The following PHKA1 variants were observed in gnomAD, a reference collection of about 807,000 sequenced individuals.
The protein encoded by PHKA1 is phosphorylase b kinase regulatory subunit alpha, skeletal muscle isoform.
PHKA1 carries 60 observed loss-of-function variants against 110.2 expected under a neutral mutation model. That is an observed-to-expected ratio of 0.54 (90% confidence interval 0.44 to 0.68). PHKA1 has a LOEUF of 0.68. PHKA1 is among the 30% of genes least tolerant of loss of function. The pLI is 0.00. For missense variants in PHKA1, 801 were observed against 942.5 expected (o/e 0.85, Z 1.97); for synonymous variants, 316 against 333.6 (o/e 0.95, Z 0.58).
chrX:72,585,562 G>T (rs1603249874), intron 29 of PHKA1, among the ~76,000 whole-genome samples: 1 of 111,950 alleles, frequency 8.9e-6, no homozygotes, highest in Non-Finnish European at 1.9e-5. Flanking sequence ...CATCTCATTA[G>T]GACTGGTTGG....
chrX:72,615,892 C>T (rs368722871), intron 21 of PHKA1, among the ~76,000 whole-genome samples: 2 of 111,376 alleles, frequency 1.8e-5, no homozygotes, highest in Admixed American at 9.5e-5. Flanking sequence ...ATTAAATTAT[C>T]CCATTAAAAA....
rs962319376 is a variant in PHKA1 at position 72,629,344 on chromosome X, T to A, written c.1715-2295A>T. The stretch of plus-strand genomic sequence containing the variant: ...GTTCCTATTCAGCTTATACTTGTAT[T>A]CTTACTTTTCTAGAAAATCTGTCAA... On this transcript the variant is annotated intron_variant, in intron 16 of 31. Transcript: ENST00000373542. Among the ~76,000 whole-genome samples, 3 of 111,896 alleles carry A rather than the reference T, an allele frequency of 2.7e-5. No homozygotes were observed. In the East Asian group the frequency reaches 8.4e-4, roughly 31 times the overall value.
At chrX:72,607,248 T>C (rs2052741631) in intron 23 of PHKA1, among the ~76,000 whole-genome samples, 1 of 111,930 alleles carries the variant, frequency 8.9e-6, no homozygotes, top group South Asian at 3.7e-4. Context: ...AGCAGTGGGA[T>C]TGCTGGATCA....
chrX:72,706,745 G>A (rs1039667181), intron 2 of PHKA1, among the ~76,000 whole-genome samples: 9 of 111,187 alleles, frequency 8.1e-5, no homozygotes, highest in African/African-American at 2.6e-4. Context: ...CTATTTTACT[G>A]CCTTAGTCAT....
At chrX:72,620,699 C>T (rs1556276303) in intron 19 of PHKA1, 26 bp downstream of exon 19, 11 of 1,174,359 alleles carry the variant, frequency 9.4e-6, no homozygotes, top group East Asian at 3.0e-5. Flanking sequence ...CTGTGCCTGA[C>T]TCTGGTGAGT....
rs782242530 is a variant in PHKA1, at chrX:72,630,291, G to A, written c.1715-3242C>T. 2.2e-4 allele frequency among the ~76,000 whole-genome samples: 22 copies of A among 102,067 alleles called. 1 individual carries two copies. The South Asian group carries it at 8.6e-3, about 40-fold the overall frequency. The allele number at this position is 102,067 out of a possible 115,157, so 88.6% of individuals were successfully genotyped here. A position where few individuals can be genotyped will look rare whatever the true frequency, so the allele number is the denominator to read the frequency against. ...AAAAAGAAAAAGAAAAAGAGCGGGG[G>A]TGGGGGAGAGAGAGAGAGAGAGAGA... On this transcript the variant is annotated intron_variant, in intron 16 of 31. Coordinates refer to ENST00000373542, the MANE Select transcript of PHKA1 (RefSeq NM_002637.4).
intron 4 of PHKA1, among the ~76,000 whole-genome samples, chrX:72,684,798 A>G (rs1556318270): frequency 6.3e-5 from 7 of 111,549 alleles, no homozygotes; most frequent in Non-Finnish European, 3.8e-5. Context: ...TCAACATGGA[A>G]GAATTTTAAC....
intron 21 of PHKA1, among the ~76,000 whole-genome samples, chrX:72,616,200 T>C (rs1404847816): frequency 9.1e-6 from 1 of 110,074 alleles, no homozygotes; most frequent in African/African-American, 3.3e-5. Context: ...ACCCCAGCTC[T>C]GCAAAAAAAA....
chrX:72,624,635 A>T (rs2053027109), intron 17 of PHKA1, among the ~76,000 whole-genome samples: 1 of 111,552 alleles, frequency 9.0e-6, no homozygotes, highest in East Asian at 2.8e-4. Context: ...ATGCTCCCTG[A>T]CCTCAGTGTG....
intron 28 of PHKA1, among the ~76,000 whole-genome samples, chrX:72,597,779 CAGTG>C (rs2052609870): frequency 1.8e-5 from 2 of 111,784 alleles, no homozygotes; most frequent in Admixed American, 1.9e-4. Context: ...TAAACCGTAG[CAGTG>C]AGTATGACTA....
chrX:72,710,682 A>G (rs2054358884), intron 2 of PHKA1, among the ~76,000 whole-genome samples: 1 of 111,397 alleles, frequency 9.0e-6, no homozygotes, highest in Non-Finnish European at 1.9e-5. Context: ...ATGTTTTGAA[A>G]CATTCCTAAT....
intron 4 of PHKA1, among the ~76,000 whole-genome samples, chrX:72,690,770 T>G (rs371486876): frequency 1.3e-4 from 14 of 111,931 alleles, no homozygotes; most frequent in African/African-American, 4.5e-4. Flanking sequence ...TAATTTCTTT[T>G]TTTGTTTGTT....
chrX:72,684,793 A>G (rs959511750), intron 4 of PHKA1, among the ~76,000 whole-genome samples: 4 of 111,525 alleles, frequency 3.6e-5, no homozygotes, highest in African/African-American at 1.3e-4. Context: ...ATATTTCAAC[A>G]TGGAAGAATT....
intron 4 of PHKA1, among the ~76,000 whole-genome samples, chrX:72,687,932 T>A (rs1277456471): frequency 1.8e-5 from 2 of 108,517 alleles, no homozygotes; most frequent in Non-Finnish European, 3.8e-5. Flanking sequence ...GTTCATGTGA[T>A]TCTCCTGTCT....
At chrX:72,659,448 T>C (rs994221550) in intron 8 of PHKA1, among the ~76,000 whole-genome samples, 2 of 111,157 alleles carry the variant, frequency 1.8e-5, no homozygotes, top group African/African-American at 6.6e-5. Context: ...GGTGTACTCA[T>C]TGCCTCTGGG....
chrX:72,585,050 C>T (rs1245908453), intron 29 of PHKA1, among the ~76,000 whole-genome samples: 2 of 109,909 alleles, frequency 1.8e-5, no homozygotes, highest in African/African-American at 6.6e-5. Context: ...GTTTTATTTA[C>T]ACACTGTATC....
At chrX:72,644,551 TAAC>T (rs782650130) in intron 13 of PHKA1, 55 bp from the exon 14 acceptor site, 6 of 1,029,572 alleles carry the variant, frequency 5.8e-6, no homozygotes, top group African/African-American at 5.6e-5. Flanking sequence ...AATAGCAACT[TAAC>T]AATCTCTCAA....
chrX:72,668,273 T>G (rs1556307279), intron 6 of PHKA1, among the ~76,000 whole-genome samples: 1 of 112,099 alleles, frequency 8.9e-6, no homozygotes, highest in Non-Finnish European at 1.9e-5. Flanking sequence ...GTCAAGCTAA[T>G]AAAATAACTC....
intron 3 of PHKA1, among the ~76,000 whole-genome samples, 198 bp from the exon 4 acceptor site, chrX:72,696,074 T>G (rs2054106686): frequency 8.9e-6 from 1 of 111,887 alleles, no homozygotes; most frequent in African/African-American, 3.3e-5. Context: ...GTTTTTCAAT[T>G]TAGGTGATTT....
Sources: allele counts gnomAD v4.1 joint callset (sites outside exome capture counted in the v4.1 genomes callset), GRCh38; gene constraint gnomAD v4.1.1; transcripts MANE v1.5; gene names NCBI Gene and HGNC (gene_info 2026-07-23, HGNC 2026-07-21).